TUBA1C: variants seen among roughly 807,000 people sequenced by gnomAD.
The protein encoded by TUBA1C is tubulin alpha 1c, also known as tubulin alpha-1C chain.
TUBA1C carries 16 observed loss-of-function variants against 34.9 expected under a neutral mutation model. The observed-to-expected ratio is 0.46, with a 90% CI of 0.31 to 0.70. The LOEUF is 0.70. Among genes scored for constraint, TUBA1C ranks in the 30% least tolerant of loss-of-function variants. The pLI is 0.05. For missense variants in TUBA1C, 329 were observed against 587.3 expected, an observed-to-expected ratio of 0.56 and a Z score of 4.55; for synonymous variants, 177 against 215.9, an observed-to-expected ratio of 0.82 and a Z score of 1.58.
chr12:49,265,138 C>A lies in TUBA1C; in HGVS notation c.-44C>A. ...GTTAGTGGGAGATCCTTGTTGCCGT[C>A]CCTTCGCCTCCTTCACCGCCGCAGA... On this transcript the variant is annotated 5_prime_UTR_variant, in exon 1 of 4. Transcript: ENST00000301072. The A allele has an allele frequency of 6.3e-7, 1 of 1,595,174 alleles. No individual in the cohort carries two copies. Among genetic ancestry groups the A allele is most frequent in the East Asian group, 2.2e-5 (1 of 44,458 alleles).
Position 49,269,993 on chromosome 12 carries a change from A to C in TUBA1C, c.375+17A>C, listed in dbSNP as rs748557927. 4 of 1,614,068 alleles carry C rather than the reference A, an allele frequency of 2.5e-6. No individual in the cohort carries two copies. Among genetic ancestry groups the C allele is most frequent in the Non-Finnish European group, 2.5e-6 (3 of 1,179,904 alleles). On this transcript the variant is annotated intron_variant, in intron 3 of 3. Coordinates refer to ENST00000301072, the MANE Select transcript of TUBA1C (RefSeq NM_032704.5). Reference sequence around the variant, plus strand: ...CGCAAGCTGGTAAGTATAGTACTTTAAATAAAGTGGGATGAGAGTTTCTTT... The same window carrying C: ...CGCAAGCTGGTAAGTATAGTACTTTCAATAAAGTGGGATGAGAGTTTCTTT...
At position 49,273,307 on chromosome 12, in the gene TUBA1C, T is replaced by C. The variant is rs1943021432; in HGVS notation, c.*80T>C. On this transcript the variant is annotated 3_prime_UTR_variant, in exon 4 of 4. Coordinates refer to ENST00000301072, the MANE Select transcript of TUBA1C (RefSeq NM_032704.5). ...TGTAAATGTCTATTGCCGTAAATTG[T>C]TAATAAAATTGAAGTTTCCATTTTA... is the stretch of plus-strand genomic sequence containing the variant. 1.9e-6 allele frequency: 3 copies of C among 1,610,746 alleles called. No homozygotes were observed. The highest frequency in any genetic ancestry group is 2.5e-6 in the Non-Finnish European group (3 of 1,177,680).
intron 1 of TUBA1C, among the ~76,000 whole-genome samples, chr12:49,258,782 G>C (rs1416207968): frequency 6.8e-6 from 1 of 147,218 alleles, no homozygotes; most frequent in Non-Finnish European, 1.5e-5. Flanking sequence ...TTGAGACGGA[G>C]TTTTGCTCTT....
Position 49,273,169 on chromosome 12 carries a change from A to T in TUBA1C, c.1292A>T (p.Asp431Val), listed in dbSNP as rs1172120959. The T allele has an allele frequency of 6.2e-7, 1 of 1,614,194 alleles. No individual in the cohort carries two copies. Among genetic ancestry groups the T allele is most frequent in the Admixed American group, 1.7e-5 (1 of 60,018 alleles). ...GAGGACATGGCTGCCCTTGAGAAGG[A>T]TTATGAGGAGGTTGGAGCAGATAGT... ...AREDMAALEKDYEEVGADSAD... is the reference protein window; with the variant it reads ...AREDMAALEKVYEEVGADSAD... The change falls in exon 4 of 4, where the codon GAT (aspartate) becomes GTT (valine). Residue 431 changes from aspartate to valine, a missense_variant. Physicochemically the swap from Asp to Val is radical, Grantham distance 152. This residue lies in a region of TUBA1C where 34 missense variants were observed against 31.8 expected (regional missense o/e 1.07). Coordinates refer to ENST00000301072, the MANE Select transcript of TUBA1C (RefSeq NM_032704.5).
At chr12:49,260,330 G>A (rs964164952), upstream of TUBA1C, among the ~76,000 whole-genome samples, 4 of 152,098 alleles carry the variant, frequency 2.6e-5, no homozygotes, top group African/African-American at 7.2e-5. Flanking sequence ...GTTAGTCACC[G>A]AGGAAGTGAT....
chr12:49,241,772 C>T (rs1942619411), intron 1 of TUBA1C, among the ~76,000 whole-genome samples: 1 of 151,782 alleles, frequency 6.6e-6, no homozygotes, highest in Non-Finnish European at 1.5e-5. Context: ...GCCTCAGCCT[C>T]CCAAGTAGCT....
intron 1 of TUBA1C, among the ~76,000 whole-genome samples, chr12:49,231,889 G>C (rs1942501798): frequency 6.6e-6 from 1 of 152,210 alleles, no homozygotes; most frequent in East Asian, 1.9e-4. Flanking sequence ...TTGGACACCT[G>C]CTCATATGTT....
intron 1 of TUBA1C, among the ~76,000 whole-genome samples, chr12:49,229,654 T>G (rs1942474946): frequency 6.6e-6 from 1 of 151,236 alleles, no homozygotes; most frequent in South Asian, 2.1e-4. Context: ...AACCAACTAT[T>G]TCTTACCTGT....
chr12:49,244,149 CAAAAAAAAAAA>C (rs35040535), intron 1 of TUBA1C, among the ~76,000 whole-genome samples: 1 of 97,636 alleles, frequency 1.0e-5, no homozygotes, highest in African/African-American at 3.5e-5. Context: ...GACTCTGTCT[CAAAAAAAAAAA>C]AAAAAGAAAA....
chr12:49,236,441 G>A (rs1254245068), intron 1 of TUBA1C, among the ~76,000 whole-genome samples: 2 of 152,260 alleles, frequency 1.3e-5, no homozygotes, highest in African/African-American at 2.4e-5. Flanking sequence ...GTTCTGACCC[G>A]GCAAACCTTG....
At chr12:49,265,257 G>A in intron 1 of TUBA1C, 73 bp downstream of exon 1, 2 of 1,340,954 alleles carry the variant, frequency 1.5e-6, no homozygotes, top group Non-Finnish European at 2.1e-6. Context: ...ACTACTGCCT[G>A]CACCTCGGGC....
At chr12:49,264,442 C>T (rs1408680372), upstream of TUBA1C, among the ~76,000 whole-genome samples, 1 of 152,096 alleles carries the variant, frequency 6.6e-6, no homozygotes, top group Non-Finnish European at 1.5e-5. Flanking sequence ...GGGAGCAAGC[C>T]CTCTCTCTGG....
intron 1 of TUBA1C, among the ~76,000 whole-genome samples, chr12:49,250,799 C>A (rs1942725132): frequency 6.6e-6 from 1 of 151,720 alleles, no homozygotes; most frequent in African/African-American, 2.4e-5. Flanking sequence ...GTACATTAGG[C>A]AATTTAATGA....
intron 1 of TUBA1C, among the ~76,000 whole-genome samples, chr12:49,240,668 A>G (rs901042438): frequency 1.3e-5 from 2 of 152,154 alleles, no homozygotes; most frequent in African/African-American, 4.8e-5. Flanking sequence ...GCTCAGTGCA[A>G]CTTCGACCTC....
At chr12:49,253,488 G>A (rs573065145) in intron 1 of TUBA1C, among the ~76,000 whole-genome samples, 2 of 152,084 alleles carry the variant, frequency 1.3e-5, no homozygotes, top group East Asian at 1.9e-4. Context: ...GTGGTTGGAC[G>A]GTGGGATGCT....
At chr12:49,228,133 C>T in exon 1 of TUBA1C, 1 of 1,535,668 alleles carries the variant, frequency 6.5e-7, no homozygotes, top group Non-Finnish European at 8.7e-7. Flanking sequence ...GCACATCCAG[C>T]AAAAGCAGAG....
At chr12:49,267,193 G>A (rs530381212) in intron 1 of TUBA1C, among the ~76,000 whole-genome samples, 1 of 152,202 alleles carries the variant, frequency 6.6e-6, no homozygotes, top group African/African-American at 2.4e-5. Flanking sequence ...ACTGAGCAAT[G>A]AAAGAAAAAT....
At chr12:49,234,846 T>A (rs115809321) in intron 1 of TUBA1C, among the ~76,000 whole-genome samples, 2,892 of 152,288 alleles carry the variant, frequency 0.019, 90 homozygotes, top group African/African-American at 0.066. Context: ...AGACGGAGTA[T>A]TGCTTTTGTT....
At chr12:49,256,182 T>C (rs1247615883) in intron 1 of TUBA1C, among the ~76,000 whole-genome samples, 1 of 152,224 alleles carries the variant, frequency 6.6e-6, no homozygotes, top group East Asian at 1.9e-4. Flanking sequence ...CCAAAGGCCA[T>C]GAAACCCCCA....
Sources: allele counts gnomAD v4.1 joint callset (sites outside exome capture counted in the v4.1 genomes callset), GRCh38; gene constraint gnomAD v4.1.1; regional missense constraint gnomAD v4.1.1; transcripts MANE v1.5; gene names NCBI Gene and HGNC (gene_info 2026-07-23, HGNC 2026-07-21).